Variants in UBAP2 observed in about 807,000 individuals in gnomAD.
UBAP2 encodes the protein ubiquitin associated protein 2.
UBAP2 carries 75 observed loss-of-function variants against 139.6 expected under a neutral mutation model. That is an observed-to-expected ratio of 0.54 (90% CI 0.45 to 0.65). The LOEUF is 0.65. Ranked by LOEUF, UBAP2 falls within the 30% of genes least tolerant of loss-of-function variation. UBAP2 has a pLI of 0.00. For missense variants in UBAP2, 1,368 were observed against 1,369.6 expected (o/e 1.00, Z 0.02); for synonymous variants, 526 against 526.2 (o/e 1.00, Z 0.01).
intron 12 of UBAP2, 122 bp downstream of exon 12, chr9:33,953,163 C>A: frequency 1.0e-6 from 1 of 1,002,412 alleles, no homozygotes; most frequent in Non-Finnish European, 1.4e-6. Flanking sequence ...GCCATCATGC[C>A]CGGCCTTACT....
chr9:33,992,067 C>T (rs1008081285), intron 4 of UBAP2, among the ~76,000 whole-genome samples: 13 of 152,096 alleles, frequency 8.5e-5, no homozygotes, highest in African/African-American at 3.1e-4. Flanking sequence ...CCCTGGCCAA[C>T]ATGGTGAAAC....
intron 4 of UBAP2, chr9:33,995,230 G>A (rs1315965981): frequency 2.6e-5 from 4 of 151,428 alleles, no homozygotes; most frequent in Admixed American, 1.3e-4. Flanking sequence ...GGTGGCGCAT[G>A]CCTGTAGTAC....
chr9:34,033,003 G>GA (rs1826022310), intron 1 of UBAP2, among the ~76,000 whole-genome samples: 1 of 151,010 alleles, frequency 6.6e-6, no homozygotes, highest in Non-Finnish European at 1.5e-5. Context: ...TTCAAGAACA[G>GA]AAAAACCATG....
chr9:34,047,885 C>T (rs1827747190), intron 1 of UBAP2, among the ~76,000 whole-genome samples: 1 of 152,166 alleles, frequency 6.6e-6, no homozygotes, highest in South Asian at 2.1e-4. Flanking sequence ...GACAATAAGC[C>T]TAAATACTGG....
intron 1 of UBAP2, among the ~76,000 whole-genome samples, chr9:34,034,646 G>A (rs143151663): frequency 5.8e-4 from 88 of 152,282 alleles, no homozygotes; most frequent in African/African-American, 1.9e-3. Context: ...AGGCACAGGC[G>A]GGCGGATCAG....
intron 16 of UBAP2, among the ~76,000 whole-genome samples, chr9:33,936,210 T>C (rs1199927479): frequency 1.3e-5 from 2 of 152,106 alleles, no homozygotes; most frequent in Non-Finnish European, 2.9e-5. Context: ...CTCCAACTCC[T>C]GGGCTCAAGC....
chr9:33,942,546 G>A (rs1294988554), intron 15 of UBAP2, among the ~76,000 whole-genome samples: 3 of 151,900 alleles, frequency 2.0e-5, no homozygotes, highest in Admixed American at 6.6e-5. Flanking sequence ...TGGGCAACAT[G>A]ACGAAACCCT....
At chr9:34,007,041 G>A (rs986733894) in intron 2 of UBAP2, among the ~76,000 whole-genome samples, 1 of 152,160 alleles carries the variant, frequency 6.6e-6, no homozygotes, top group Non-Finnish European at 1.5e-5. Flanking sequence ...CAACTTCACT[G>A]AATTCATTTC....
At chr9:33,928,094 G>C in intron 19 of UBAP2, 102 bp from the exon 20 acceptor site, 1 of 1,284,892 alleles carries the variant, frequency 7.8e-7, no homozygotes, top group Non-Finnish European at 1.1e-6. Context: ...AGGCTGAGCA[G>C]GCAGGCAATG....
intron 2 of UBAP2, among the ~76,000 whole-genome samples, chr9:34,009,404 GGTTT>G (rs971243149): frequency 2.0e-5 from 3 of 151,706 alleles, no homozygotes; most frequent in African/African-American, 7.3e-5. Context: ...TGGCCAAAAA[GGTTT>G]TTTTCTTATA....
chr9:34,045,021 A>C (rs1211765347), intron 1 of UBAP2, among the ~76,000 whole-genome samples: 1 of 152,104 alleles, frequency 6.6e-6, no homozygotes, highest in Non-Finnish European at 1.5e-5. Flanking sequence ...TTAGTTATCA[A>C]AAAATGGAAA....
At chr9:33,951,719 A>G (rs1292314377) in intron 12 of UBAP2, among the ~76,000 whole-genome samples, 1 of 152,166 alleles carries the variant, frequency 6.6e-6, no homozygotes, top group Non-Finnish European at 1.5e-5. Flanking sequence ...AACAATTCTT[A>G]TTCTGCCTTC....
At chr9:33,984,184 A>G (rs1004322129) in intron 6 of UBAP2, among the ~76,000 whole-genome samples, 2 of 152,120 alleles carry the variant, frequency 1.3e-5, no homozygotes, top group African/African-American at 2.4e-5. Context: ...GATTACAGGT[A>G]TGAGCCACCA....
chr9:34,035,514 A>AAAATATATATATATATATATATATAT, intron 1 of UBAP2, among the ~76,000 whole-genome samples: 11 of 22,462 alleles, frequency 4.9e-4, no homozygotes, highest in African/African-American at 7.6e-4. Flanking sequence ...AAAAAAAAAA[A>AAAATATATATATATATATATATATAT]ATATATATAT....
chr9:34,002,252 C>T (rs1822772533), intron 2 of UBAP2, among the ~76,000 whole-genome samples: 2 of 152,196 alleles, frequency 1.3e-5, no homozygotes, highest in South Asian at 2.1e-4. Context: ...CCACACTTGG[C>T]TATTTTCCTC....
intron 7 of UBAP2, 127 bp downstream of exon 7, chr9:33,973,056 A>G: frequency 3.7e-6 from 3 of 814,136 alleles, no homozygotes; most frequent in Non-Finnish European, 6.0e-6. Flanking sequence ...TTATTTGTAA[A>G]TCTCTTTAAG....
chr9:34,018,818 G>A (rs1004198052), intron 1 of UBAP2, among the ~76,000 whole-genome samples: 3 of 151,992 alleles, frequency 2.0e-5, no homozygotes, highest in Non-Finnish European at 2.9e-5. Flanking sequence ...AGCTGAGATC[G>A]TGCCACTGCG....
At position 34,037,557 on chromosome 9, in the gene UBAP2, A is replaced by G. The variant is rs540264404; in HGVS notation, c.-42+11268T>C. On this transcript the variant is annotated intron_variant, in intron 1 of 28. Coordinates refer to ENST00000379238, the MANE Select transcript of UBAP2 (RefSeq NM_001370062.2). The stretch of plus-strand genomic sequence containing the variant: ...GCAGTCATGGAATACATATTTTTAG[A>G]CTTTCCAAAAGCCCCAAAAAGTTAC... Among the ~76,000 whole-genome samples, 22 of 152,226 alleles carry G rather than the reference A, an allele frequency of 1.4e-4. No homozygotes were observed. The South Asian group carries it at 4.1e-3, about 29-fold the overall frequency.
At chr9:34,016,245 AGAG>A (rs1554690786) in intron 2 of UBAP2, among the ~76,000 whole-genome samples, 4 of 17,062 alleles carry the variant, frequency 2.3e-4, no homozygotes, top group African/African-American at 4.8e-4. Flanking sequence ...AAGGGGAGGA[AGAG>A]GAGGAGGAGG....
Sources: gnomAD v4.1 joint callset for allele counts (sites outside exome capture counted in the v4.1 genomes callset) on GRCh38, gnomAD v4.1.1 for gene constraint, MANE v1.5 for transcripts, NCBI Gene and HGNC (gene_info 2026-07-23, HGNC 2026-07-21) for gene names.